ZNF609: variants seen among roughly 807,000 people sequenced by gnomAD.
ZNF609 encodes the protein zinc finger protein 609.
ZNF609 carries 11 observed loss-of-function variants against 109.5 expected under a neutral mutation model. The ratio of observed to expected loss-of-function variants is 0.10; its 90% confidence interval spans 0.06 to 0.17. ZNF609 has a LOEUF of 0.17. ZNF609 is among the 10% of genes least tolerant of loss of function. The probability of loss-of-function intolerance (pLI) is 1.00; values close to 1 mark genes in which losing one functional copy is unlikely to be tolerated. For synonymous variants in ZNF609, 646 were observed against 662.0 expected, an observed-to-expected ratio of 0.98 and a Z score of 0.37; for missense variants, 1,559 against 1,772.4, an observed-to-expected ratio of 0.88 and a Z score of 2.16.
intron 2 of ZNF609, among the ~76,000 whole-genome samples, chr15:64,521,236 C>G (rs1242762294): frequency 6.6e-6 from 1 of 152,176 alleles, no homozygotes; most frequent in African/African-American, 2.4e-5. Context: ...AGACCTTGGG[C>G]CAAGCAGCCT....
At chr15:64,577,953 A>C (rs7183698) in intron 2 of ZNF609, among the ~76,000 whole-genome samples, 46,696 of 151,470 alleles carry the variant, frequency 0.31, 9,385 homozygotes, top group Non-Finnish European at 0.45. Flanking sequence ...CCAGGAGTTC[A>C]AGACTAGCCT....
Position 64,479,216 on chromosome 15 carries a change from G to C in ZNF609, c.-128+18378G>C, listed in dbSNP as rs573474091. On this transcript the variant is annotated intron_variant, in intron 1 of 9. Transcript: ENST00000326648. ...ATTCAGTTATAACAAGGTCACATTT[G>C]GGTAGGTGACATAATGGTGAAATGA... is the stretch of plus-strand genomic sequence containing the variant. Among the ~76,000 whole-genome samples the C allele has an allele frequency of 8.6e-5, 13 of 151,238 alleles. No individual in the cohort carries two copies. The East Asian group carries it at 2.5e-3, about 29-fold the overall frequency.
chr15:64,674,130 A>G lies in ZNF609; in HGVS notation c.1276A>G (p.Thr426Ala), dbSNP rs969891487. 1 of 1,614,214 alleles carries G rather than the reference A, an allele frequency of 6.2e-7. No homozygotes were observed. The highest frequency in any genetic ancestry group is 8.5e-7 in the Non-Finnish European group (1 of 1,180,034). The change falls in exon 5 of 10, where the codon ACT becomes GCT. Residue 426 changes from threonine (T) to alanine (A), a missense_variant. By Grantham distance (58) the Thr-to-Ala change is moderately conservative. Around this residue, in one of 4 missense-constraint regions of ZNF609, gnomAD observed 1,204 missense variants for 1,314.1 expected, o/e 0.92. Transcript: ENST00000326648. The part of the protein sequence containing the change: ...SSEHRPPASS[T>A]SEDVKASPSS... Reference sequence around the variant, plus strand: ...AGAGCACCGCCCACCTGCCAGCAGCACTTCTGAGGATGTCAAGGCCAGCCC... The same window carrying G: ...AGAGCACCGCCCACCTGCCAGCAGCGCTTCTGAGGATGTCAAGGCCAGCCC...
At chr15:64,659,589 G>T (rs1164949555) in intron 3 of ZNF609, among the ~76,000 whole-genome samples, 1 of 152,090 alleles carries the variant, frequency 6.6e-6, no homozygotes, top group Non-Finnish European at 1.5e-5. Flanking sequence ...GCAAAACACA[G>T]AAACTCAGCA....
At chr15:64,611,026 T>C (rs1895708718) in intron 2 of ZNF609, among the ~76,000 whole-genome samples, 1 of 152,186 alleles carries the variant, frequency 6.6e-6, no homozygotes, top group Non-Finnish European at 1.5e-5. Flanking sequence ...CTTACTTGTT[T>C]TTATATTCTT....
chr15:64,641,379 G>A (rs1027013766), intron 3 of ZNF609, among the ~76,000 whole-genome samples: 2 of 149,664 alleles, frequency 1.3e-5, no homozygotes, highest in Admixed American at 6.7e-5. Context: ...CACCACGCCC[G>A]GCTAATTTTG....
At chr15:64,478,396 A>G (rs912801367) in intron 1 of ZNF609, among the ~76,000 whole-genome samples, 1 of 151,664 alleles carries the variant, frequency 6.6e-6, no homozygotes, top group African/African-American at 2.4e-5. Context: ...TTTGAGACGG[A>G]GTCTCACTCT....
At chr15:64,568,781 C>T (rs1052305916) in intron 2 of ZNF609, among the ~76,000 whole-genome samples, 2 of 152,184 alleles carry the variant, frequency 1.3e-5, no homozygotes, top group African/African-American at 4.8e-5. Context: ...GGTTCCCATT[C>T]ATAAGGATGA....
At chr15:64,656,718 CTCTTT>C (rs957248673) in intron 3 of ZNF609, among the ~76,000 whole-genome samples, 16 of 150,100 alleles carry the variant, frequency 1.1e-4, no homozygotes, top group African/African-American at 1.7e-4. Context: ...CCCTTCCTTC[CTCTTT>C]TCTTTTCTTT....
intron 2 of ZNF609, among the ~76,000 whole-genome samples, chr15:64,615,950 G>T (rs75171466): frequency 2.4e-4 from 37 of 152,180 alleles, no homozygotes; most frequent in African/African-American, 8.2e-4. Flanking sequence ...GTTTTTGTCT[G>T]TGAAGGTGAA....
chr15:64,609,112 C>CTT (rs1438472024), intron 2 of ZNF609, among the ~76,000 whole-genome samples: 1 of 34,630 alleles, frequency 2.9e-5, no homozygotes. Flanking sequence ...TTCTTTCTTT[C>CTT]TTTCTTTCTT....
At chr15:64,600,111 A>C (rs1437746615) in intron 2 of ZNF609, among the ~76,000 whole-genome samples, 1 of 152,184 alleles carries the variant, frequency 6.6e-6, no homozygotes, top group Admixed American at 6.6e-5. Flanking sequence ...TAAGTCCAGG[A>C]GTTCAAGACG....
At chr15:64,627,651 CTTTTTTTCTTTCTTTT>C (rs1412567842) in intron 3 of ZNF609, among the ~76,000 whole-genome samples, 3 of 103,844 alleles carry the variant, frequency 2.9e-5, no homozygotes, top group Non-Finnish European at 4.2e-5. Context: ...CTTTTTAGTT[CTTTTTTTCTTTCTTTT>C]TTTTTTTTTT....
chr15:64,589,453 A>G (rs1365215612), intron 2 of ZNF609, among the ~76,000 whole-genome samples: 1 of 152,176 alleles, frequency 6.6e-6, no homozygotes, highest in Non-Finnish European at 1.5e-5. Context: ...TATTTCCTTT[A>G]ATTATTGCAG....
At chr15:64,616,476 C>G (rs1895799027) in intron 2 of ZNF609, among the ~76,000 whole-genome samples, 1 of 151,374 alleles carries the variant, frequency 6.6e-6, no homozygotes, top group Non-Finnish European at 1.5e-5. Context: ...ATCTGCCTAC[C>G]AACATTGAGA....
intron 2 of ZNF609, among the ~76,000 whole-genome samples, chr15:64,592,622 GT>G (rs1351945531): frequency 6.6e-6 from 1 of 151,336 alleles, no homozygotes; most frequent in Admixed American, 6.6e-5. Flanking sequence ...TTAAAATTAT[GT>G]TTTAAGTTGG....
chr15:64,479,788 G>A (rs1893226235), intron 1 of ZNF609, among the ~76,000 whole-genome samples: 1 of 151,626 alleles, frequency 6.6e-6, no homozygotes. Flanking sequence ...GCATGGTGGT[G>A]CACACCTGTA....
chr15:64,530,300 G>A (rs940885161), intron 2 of ZNF609, among the ~76,000 whole-genome samples: 8 of 152,178 alleles, frequency 5.3e-5, no homozygotes, highest in African/African-American at 1.7e-4. Context: ...ATGAGCCACC[G>A]TGCTGGGCCT....
chr15:64,630,718 T>C (rs1896060085), intron 3 of ZNF609, among the ~76,000 whole-genome samples: 1 of 152,090 alleles, frequency 6.6e-6, no homozygotes, highest in Non-Finnish European at 1.5e-5. Context: ...TCTGCCTGCC[T>C]CAGCCTCCCA....
Sources: gnomAD v4.1 joint callset for allele counts (sites outside exome capture counted in the v4.1 genomes callset) on GRCh38, gnomAD v4.1.1 for gene constraint, gnomAD v4.1.1 regional missense constraint, MANE v1.5 for transcripts, NCBI Gene and HGNC (gene_info 2026-07-23, HGNC 2026-07-21) for gene names.